The following CEP295NL variants were observed in gnomAD, a reference collection of about 807,000 sequenced individuals.
CEP295NL encodes the protein protein DDC8 homolog.
In CEP295NL, 3 loss-of-function variants were observed where a neutral mutation model predicts 4.6. The ratio of observed to expected loss-of-function variants is 0.65; its 90% CI spans 0.30 to 1.69. The LOEUF (loss-of-function observed/expected upper bound fraction) is 1.69, where lower values mean the gene tolerates loss of function less well. Among genes scored for constraint, CEP295NL ranks in the 40% most tolerant of loss-of-function variants. The pLI, the probability that CEP295NL is intolerant of heterozygous loss-of-function variation, is 0.10. For synonymous variants in CEP295NL, 295 were observed against 312.2 expected, an observed-to-expected ratio of 0.94 and a Z score of 0.58; for missense variants, 719 against 769.0, an observed-to-expected ratio of 0.93 and a Z score of 0.77.
chr17:78,900,868 G>C (rs1219230978), intron 2 of CEP295NL: 2 of 152,296 alleles, frequency 1.3e-5, no homozygotes, highest in South Asian at 2.1e-4. Context: ...GGGGACAAAA[G>C]ACGCTGGGCC....
rs1201460793 is a variant in CEP295NL at position 78,893,212 on chromosome 17, T to G, written c.45-753A>C. 9.0e-4 allele frequency among the ~76,000 whole-genome samples: 114 copies of G among 126,432 alleles called. 2 individuals carry two copies. The highest frequency in any genetic ancestry group is 3.3e-3 in the African/African-American group (105 of 31,424). The allele number at this position is 126,432 out of a possible 152,430, so 82.9% of individuals were successfully genotyped here. ...GGGTGTGTGCAAGGATGTGTGTGCA[T>G]GTGTGTGCAGGGGTGTGTGTGCATG... is the stretch of plus-strand genomic sequence containing the variant. On this transcript the variant is annotated intron_variant, in intron 2 of 2. Transcript: ENST00000322630.
In CEP295NL at chr17:78,896,005, G is replaced by A. The variant is rs975425817; in HGVS notation, c.45-3546C>T. 2.0e-5 allele frequency among the ~76,000 whole-genome samples: 3 copies of A among 152,266 alleles called. No individual in the cohort carries two copies. Among genetic ancestry groups the A allele is most frequent in the Admixed American group, 2.0e-4 (3 of 15,294 alleles). On this transcript the variant is annotated intron_variant, in intron 2 of 2. Transcript: ENST00000322630. The surrounding 1 kb of genome is among the most constrained non-coding windows in gnomAD (Gnocchi z 4.4). Reference sequence around the variant, plus strand: ...CTGGCGTGGGCATCCCAATGAAGCAGCGTCAGTTTTCCTGGAGACACGCAA... The same window carrying A: ...CTGGCGTGGGCATCCCAATGAAGCAACGTCAGTTTTCCTGGAGACACGCAA...
At chr17:78,894,418 G>A (rs556666491) in intron 2 of CEP295NL, among the ~76,000 whole-genome samples, 49 of 152,078 alleles carry the variant, frequency 3.2e-4, no homozygotes, top group Middle Eastern at 6.8e-3. Context: ...TTAGAATAGT[G>A]GTTAATATTA....
In CEP295NL at chr17:78,891,339, T is replaced by A. The variant is rs1271292803; in HGVS notation, c.1165A>T (p.Thr389Ser). The part of the protein sequence containing the change: ...FSEMQECGAG[T>S]PRGKKMADPE... ...TCTGCCATTTTCTTCCCTCTTGGGG[T>A]CCCAGCGCCACACTCTTGCATCTCT... is the stretch of plus-strand genomic sequence containing the variant. The change falls in exon 3 of 3, where the codon ACC (threonine) becomes TCC (serine). Residue 389 changes from threonine to serine, a missense_variant. Coordinates refer to ENST00000322630, the MANE Select transcript of CEP295NL (RefSeq NM_001243540.2). The surrounding 1 kb of genome is among the most constrained non-coding windows in gnomAD (Gnocchi z 4.5). 15 of 1,550,262 alleles carry A rather than the reference T, an allele frequency of 9.7e-6. No homozygotes were observed. Among genetic ancestry groups the A allele is most frequent in the Non-Finnish European group, 1.3e-5 (15 of 1,146,908 alleles).
intron 2 of CEP295NL, among the ~76,000 whole-genome samples, chr17:78,893,364 G>T (rs36176351): frequency 0.25 from 30,580 of 122,476 alleles, 6,964 homozygotes; most frequent in African/African-American, 0.62. Context: ...TGTGTGCAGG[G>T]GTGTGTAGGA....
chr17:78,894,835 G>A (rs1265320166), intron 2 of CEP295NL, among the ~76,000 whole-genome samples: 2 of 152,058 alleles, frequency 1.3e-5, no homozygotes, highest in Non-Finnish European at 2.9e-5. Context: ...AAAAACCTTT[G>A]TGCTTCAAAA....
intron 2 of CEP295NL, chr17:78,899,777 G>A (rs2070061735): frequency 6.6e-6 from 1 of 152,124 alleles, no homozygotes; most frequent in Non-Finnish European, 1.5e-5. Context: ...CATGTCCCCA[G>A]CCCAGGCCTC....
Position 78,891,061 on chromosome 17 carries a change from T to C in CEP295NL, c.1443A>G (p.Ala481=). The C allele has an allele frequency of 1.3e-6, 2 of 1,551,130 alleles. No homozygotes were observed. Among genetic ancestry groups the C allele is most frequent in the Non-Finnish European group, 1.7e-6 (2 of 1,147,108 alleles). ...GQETPKLGTL[A]EGSLQLHLQD... ...GAAGGTGGAGCTGAAGGGAGCCCTC[T>C]GCCAGCGTGCCCAGTTTGGGGGTCT... Residue 481 remains alanine (A), a synonymous_variant, in exon 3 of 3, where the codon GCA becomes GCG. Transcript: ENST00000322630. This position sits in a 1 kb window ranked among gnomAD's most constrained non-coding sequence, Gnocchi z 4.5.
At chr17:78,898,642 G>A (rs921208141) in intron 2 of CEP295NL, 3 of 152,376 alleles carry the variant, frequency 2.0e-5, no homozygotes, top group South Asian at 2.1e-4. Flanking sequence ...ATGCACAGAA[G>A]GGTGAGACCT....
chr17:78,892,519 C>A (rs1412941388), intron 2 of CEP295NL, 60 bp from the exon 3 acceptor site: 1 of 1,484,434 alleles, frequency 6.7e-7, no homozygotes, highest in Non-Finnish European at 9.0e-7. Context: ...GTGAGCAAAG[C>A]CCTGGAGACA....
At position 78,896,612 on chromosome 17, in the gene CEP295NL, C is replaced by T. The variant is rs2070003811; in HGVS notation, c.45-4153G>A. On this transcript the variant is annotated intron_variant, in intron 2 of 2. Transcript: ENST00000322630. This position sits in a 1 kb window ranked among gnomAD's most constrained non-coding sequence, Gnocchi z 4.4. Reference sequence around the variant, plus strand: ...TGCTTTGGTGTTTTCTACTCCCCTGCTGCCCTCTGGTCCTGCCACCCCGAG... The same window carrying T: ...TGCTTTGGTGTTTTCTACTCCCCTGTTGCCCTCTGGTCCTGCCACCCCGAG... Among the ~76,000 whole-genome samples, 1 of 152,184 alleles carries T rather than the reference C, an allele frequency of 6.6e-6. No homozygotes were observed. Among genetic ancestry groups the T allele is most frequent in the Admixed American group, 6.5e-5 (1 of 15,276 alleles).
intron 2 of CEP295NL, among the ~76,000 whole-genome samples, chr17:78,892,741 T>C (rs1056668657): frequency 1.3e-5 from 2 of 152,132 alleles, no homozygotes; most frequent in African/African-American, 4.8e-5. Flanking sequence ...TTGTCACAAA[T>C]GCAGGGAGGA....
intron 2 of CEP295NL, among the ~76,000 whole-genome samples, chr17:78,894,782 A>G (rs2376999): frequency 0.27 from 41,457 of 152,004 alleles, 9,578 homozygotes; most frequent in African/African-American, 0.64. Flanking sequence ...ACCAATAAAC[A>G]AAGAAACGGA....
chr17:78,891,441 GCTTT>G lies in CEP295NL; in HGVS notation c.1059_1062del (p.Arg353SerfsTer2), dbSNP rs2069892647. 1.3e-6 allele frequency: 2 copies of G among 1,550,802 alleles called. No individual in the cohort carries two copies. The highest frequency in any genetic ancestry group is 2.4e-5 in the East Asian group (1 of 40,930). ...AGGTACAAGCACAGGTGTTTTTTCA[GCTTT>G]CTGTTTATATTAAACAACTCTTCAA... is the stretch of plus-strand genomic sequence containing the variant. On this transcript the variant is annotated frameshift_variant, in exon 3 of 3. Coordinates refer to ENST00000322630, the MANE Select transcript of CEP295NL (RefSeq NM_001243540.2). LOFTEE classifies it low-confidence loss of function (END_TRUNC). This position sits in a 1 kb window ranked among gnomAD's most constrained non-coding sequence, Gnocchi z 4.5.
At chr17:78,894,713 G>A (rs767649289) in intron 2 of CEP295NL, among the ~76,000 whole-genome samples, 24 of 151,952 alleles carry the variant, frequency 1.6e-4, no homozygotes, top group Non-Finnish European at 2.9e-4. Flanking sequence ...GAAAACGTAG[G>A]TGTATATTCA....
In CEP295NL at chr17:78,891,057, C is replaced by G. The variant is rs1375492079; in HGVS notation, c.1447G>C (p.Gly483Arg). The G allele has an allele frequency of 6.4e-7, 1 of 1,551,068 alleles. No homozygotes were observed. The highest frequency in any genetic ancestry group is 1.4e-5 in the African/African-American group (1 of 73,152). ...TCTTGAAGGTGGAGCTGAAGGGAGC[C>G]CTCTGCCAGCGTGCCCAGTTTGGGG... ...ETPKLGTLAE[G>R]SLQLHLQDQA... Residue 483 changes from glycine (G) to arginine (R), a missense_variant, in exon 3 of 3, where the codon GGC (glycine) becomes CGC (arginine). Coordinates refer to ENST00000322630, the MANE Select transcript of CEP295NL (RefSeq NM_001243540.2). This position sits in a 1 kb window ranked among gnomAD's most constrained non-coding sequence, Gnocchi z 4.5.
rs2069877058 is a variant in CEP295NL, at chr17:78,890,786, G to A, written c.1718C>T (p.Ser573Phe). ...GTCGGCGAGGCTGGTGCCCGATGGG[G>A]AAGTGGTGCTGAGCTCAGATCCTCT... is the stretch of plus-strand genomic sequence containing the variant. ...RERGSELSTT[S>F]PSGTSLADDD... is the part of the protein sequence containing the mutation. Residue 573 changes from serine to phenylalanine, a missense_variant, in exon 3 of 3, where the codon TCC becomes TTC. Transcript: ENST00000322630. The A allele has an allele frequency of 3.9e-6, 6 of 1,550,658 alleles. No individual in the cohort carries two copies. Among genetic ancestry groups the A allele is most frequent in the African/African-American group, 1.4e-5 (1 of 73,182 alleles).
rs980382717 is a variant in CEP295NL, at chr17:78,896,266, C to G, written c.45-3807G>C. On this transcript the variant is annotated intron_variant, in intron 2 of 2. Coordinates refer to ENST00000322630, the MANE Select transcript of CEP295NL (RefSeq NM_001243540.2). The surrounding 1 kb of genome is among the most constrained non-coding windows in gnomAD (Gnocchi z 4.4). ...GGCACTGGCAGGGAAAGCAACAGAG[C>G]CTTAGCTGAGCCCAAGATGACCAAG... Among the ~76,000 whole-genome samples, 4 of 152,168 alleles carry G rather than the reference C, an allele frequency of 2.6e-5. No individual in the cohort carries two copies. Among genetic ancestry groups the G allele is most frequent in the Non-Finnish European group, 4.4e-5 (3 of 68,022 alleles).
At chr17:78,892,617 G>C in intron 2 of CEP295NL, 158 bp from the exon 3 acceptor site, 1 of 1,135,312 alleles carries the variant, frequency 8.8e-7, no homozygotes, top group Non-Finnish European at 1.2e-6. Flanking sequence ...CCCACTCTCA[G>C]CCTCCCAATT....
Sources: gnomAD v4.1 joint callset for allele counts (sites outside exome capture counted in the v4.1 genomes callset) on GRCh38, gnomAD v4.1.1 for gene constraint, Gnocchi (gnomAD v3.1) non-coding constraint, MANE v1.5 for transcripts, NCBI Gene and HGNC (gene_info 2026-07-23, HGNC 2026-07-21) for gene names.